The following ARMC9 variants were observed in gnomAD, a reference collection of about 807,000 sequenced individuals.
The protein encoded by ARMC9 is lisH domain-containing protein ARMC9.
ARMC9 carries 94 observed loss-of-function variants against 107.0 expected under a neutral mutation model. That is an observed-to-expected ratio of 0.88 (90% CI 0.74 to 1.04). ARMC9 has a LOEUF of 1.04. ARMC9 is among the 50% of genes least tolerant of loss of function. ARMC9 has a pLI of 0.00. For synonymous variants in ARMC9, 380 were observed against 396.9 expected, an observed-to-expected ratio of 0.96 and a Z score of 0.51; for missense variants, 942 against 1,030.1, an observed-to-expected ratio of 0.91 and a Z score of 1.17.
At chr2:231,337,035 T>G (rs1575124646) in intron 20 of ARMC9, among the ~76,000 whole-genome samples, 1 of 152,100 alleles carries the variant, frequency 6.6e-6, no homozygotes, top group Non-Finnish European at 1.5e-5. Context: ...CAGCGGGCCC[T>G]GAGAGCTCCT....
chr2:231,300,017 C>A (rs567489368), intron 19 of ARMC9, among the ~76,000 whole-genome samples: 1 of 152,296 alleles, frequency 6.6e-6, no homozygotes, highest in African/African-American at 2.4e-5. Context: ...TACAAAAGGG[C>A]TGTTGGTAAA....
intron 6 of ARMC9, among the ~76,000 whole-genome samples, chr2:231,225,966 C>G (rs1260337655): frequency 6.6e-6 from 1 of 152,214 alleles, no homozygotes; most frequent in Non-Finnish European, 1.5e-5. Context: ...AAGCGATTCT[C>G]CTGCCTCAGC....
intron 20 of ARMC9, among the ~76,000 whole-genome samples, chr2:231,341,020 A>G (rs2044469404): frequency 1.3e-5 from 2 of 152,084 alleles, no homozygotes; most frequent in African/African-American, 4.8e-5. Flanking sequence ...CTCAGCAACA[A>G]TAGGAAGGCC....
chr2:231,312,058 C>T (rs1054527204), intron 19 of ARMC9, among the ~76,000 whole-genome samples: 2 of 152,166 alleles, frequency 1.3e-5, no homozygotes, highest in African/African-American at 4.8e-5. Context: ...AAAAACTACC[C>T]CAAATCTTAG....
At chr2:231,302,709 A>G (rs2041827502) in intron 19 of ARMC9, among the ~76,000 whole-genome samples, 1 of 152,206 alleles carries the variant, frequency 6.6e-6, no homozygotes, top group Non-Finnish European at 1.5e-5. Context: ...AATTTTAAAT[A>G]TCATTTTTAT....
At chr2:231,264,593 G>A (rs555468149) in intron 12 of ARMC9, among the ~76,000 whole-genome samples, 1 of 152,010 alleles carries the variant, frequency 6.6e-6, no homozygotes, top group South Asian at 2.1e-4. Flanking sequence ...CACCTCCTGG[G>A]TTCGAGCGAT....
At chr2:231,222,303 G>A (rs1396340051) in intron 5 of ARMC9, among the ~76,000 whole-genome samples, 1 of 152,026 alleles carries the variant, frequency 6.6e-6, no homozygotes, top group African/African-American at 2.4e-5. Context: ...TTATCTAGAC[G>A]AGGTTTGTGG....
chr2:231,212,363 A>G (rs1299062253), intron 3 of ARMC9, among the ~76,000 whole-genome samples: 1 of 152,204 alleles, frequency 6.6e-6, no homozygotes, highest in Non-Finnish European at 1.5e-5. Context: ...GTTAGGAAGA[A>G]TGATAGATGT....
intron 19 of ARMC9, among the ~76,000 whole-genome samples, chr2:231,310,251 CT>C (rs973582303): frequency 6.7e-6 from 1 of 149,448 alleles, no homozygotes; most frequent in Non-Finnish European, 1.5e-5. Context: ...CCCGTCTCAA[CT>C]AAAACTACAA....
chr2:231,322,990 C>T (rs1435865503), intron 19 of ARMC9, among the ~76,000 whole-genome samples: 2 of 152,140 alleles, frequency 1.3e-5, no homozygotes, highest in Non-Finnish European at 2.9e-5. Context: ...CCCAGTGCAC[C>T]CAGCACCTTG....
intron 19 of ARMC9, among the ~76,000 whole-genome samples, chr2:231,309,163 A>G (rs1413835379): frequency 1.3e-5 from 2 of 152,138 alleles, no homozygotes; most frequent in Non-Finnish European, 2.9e-5. Flanking sequence ...GGGATGCACC[A>G]CCCAGCAGGC....
intron 24 of ARMC9, 88 bp downstream of exon 24, chr2:231,370,213 TGCTCCTGTGTGTACCAGGCCA>T: frequency 7.3e-7 from 1 of 1,378,104 alleles, no homozygotes; most frequent in Non-Finnish European, 9.5e-7. Flanking sequence ...TTTGGCCCCG[TGCTCCTGTGTGTACCAGGCCA>T]GGCCAGAAGG....
chr2:231,233,213 A>G (rs765925110), intron 7 of ARMC9, among the ~76,000 whole-genome samples: 1 of 152,254 alleles, frequency 6.6e-6, no homozygotes, highest in African/African-American at 2.4e-5. Context: ...GTAATCAAAC[A>G]TGAAGGTTTT....
At chr2:231,228,116 C>T (rs920692817) in intron 7 of ARMC9, among the ~76,000 whole-genome samples, 9 of 152,318 alleles carry the variant, frequency 5.9e-5, no homozygotes, top group Non-Finnish European at 7.3e-5. Flanking sequence ...GGCCACGGTG[C>T]GTCCCGGGCC....
At chr2:231,280,978 C>T (rs937769479) in intron 16 of ARMC9, among the ~76,000 whole-genome samples, 16 of 152,110 alleles carry the variant, frequency 1.1e-4, no homozygotes, top group Admixed American at 6.5e-4. Context: ...AGTCCAGTGC[C>T]GAAGGAGGGC....
chr2:231,228,869 G>A (rs1414503324), intron 7 of ARMC9, among the ~76,000 whole-genome samples: 1 of 152,048 alleles, frequency 6.6e-6, no homozygotes, highest in Non-Finnish European at 1.5e-5. Flanking sequence ...CTGAGTTTCT[G>A]CAGCTCATGT....
At chr2:231,363,034 G>A (rs560131900) in intron 23 of ARMC9, among the ~76,000 whole-genome samples, 3 of 152,304 alleles carry the variant, frequency 2.0e-5, no homozygotes, top group African/African-American at 7.2e-5. Flanking sequence ...CTGGGTATAC[G>A]GGGAATGCAG....
chr2:231,267,662 C>T (rs1024876331), intron 12 of ARMC9, among the ~76,000 whole-genome samples: 5 of 152,194 alleles, frequency 3.3e-5, no homozygotes, highest in Admixed American at 6.5e-5. Flanking sequence ...AAACTGTTCG[C>T]AGCTAATCCA....
At chr2:231,211,621 A>G (rs922724490) in intron 3 of ARMC9, among the ~76,000 whole-genome samples, 1 of 152,020 alleles carries the variant, frequency 6.6e-6, no homozygotes, top group African/African-American at 2.4e-5. Context: ...GTATACCCAG[A>G]AGTATTGCTG....
Sources: allele counts gnomAD v4.1 joint callset (sites outside exome capture counted in the v4.1 genomes callset), GRCh38; gene constraint gnomAD v4.1.1; transcripts MANE v1.5; gene names NCBI Gene and HGNC (gene_info 2026-07-23, HGNC 2026-07-21).